SYNRG: variants seen among roughly 807,000 people sequenced by gnomAD.
The protein encoded by SYNRG is AP1 gamma subunit binding protein 1.
A neutral mutation model predicts 130.9 loss-of-function variants in SYNRG; 37 were observed. The ratio of observed to expected loss-of-function variants is 0.28; its 90% confidence interval spans 0.22 to 0.37. The LOEUF (loss-of-function observed/expected upper bound fraction) is 0.37, where lower values mean the gene tolerates loss of function less well. Ranked by LOEUF, SYNRG falls within the 10% of genes least tolerant of loss-of-function variation. The pLI is 1.00. For synonymous variants in SYNRG, 539 were observed against 568.1 expected, an observed-to-expected ratio of 0.95 and a Z score of 0.73; for missense variants, 1,338 against 1,588.9, an observed-to-expected ratio of 0.84 and a Z score of 2.68.
intron 4 of SYNRG, among the ~76,000 whole-genome samples, chr17:37,585,703 A>G (rs865776132): frequency 6.6e-6 from 1 of 152,222 alleles, no homozygotes; most frequent in Admixed American, 6.5e-5. Context: ...TTTTGCATAT[A>G]AAAGTATTCT....
chr17:37,533,296 T>A (rs1259347370), intron 19 of SYNRG, among the ~76,000 whole-genome samples: 1 of 151,610 alleles, frequency 6.6e-6, no homozygotes, highest in Non-Finnish European at 1.5e-5. Flanking sequence ...AGCTACTCAG[T>A]AGGCTGAGGC....
intron 13 of SYNRG, among the ~76,000 whole-genome samples, chr17:37,558,830 T>C (rs533498457): frequency 6.6e-6 from 1 of 152,332 alleles, no homozygotes; most frequent in African/African-American, 2.4e-5. Flanking sequence ...GAAATGATCC[T>C]GTGTCTTGGT....
At position 37,597,227 on chromosome 17, in the gene SYNRG, G is replaced by A. The variant is rs1040871326; in HGVS notation, c.119-883C>T. 9.9e-5 allele frequency among the ~76,000 whole-genome samples: 15 copies of A among 152,142 alleles called. No homozygotes were observed. In the Middle Eastern group the frequency reaches 0.01, roughly 103 times the overall value. On this transcript the variant is annotated intron_variant, in intron 2 of 21. Coordinates refer to ENST00000612223, the MANE Select transcript of SYNRG (RefSeq NM_007247.6). ...GCCATCTATCTCAGCGAGCCACCTC[G>A]GCAGCATCTCCATGAAACTTTCAGA...
chr17:37,596,766 A>T (rs1568532189), intron 2 of SYNRG, among the ~76,000 whole-genome samples: 2 of 149,256 alleles, frequency 1.3e-5, no homozygotes, highest in Non-Finnish European at 1.5e-5. Flanking sequence ...AAGGCTAGTT[A>T]TTTTTTTTTT....
At position 37,542,361 on chromosome 17, in the gene SYNRG, T is replaced by G. The variant is rs375402671; in HGVS notation, c.2813A>C (p.Asn938Thr). The G allele has an allele frequency of 2.9e-5, 47 of 1,614,190 alleles. No individual in the cohort carries two copies. In the African/African-American group the frequency reaches 6.0e-4, roughly 21 times the overall value. ...KKETSFGSSE[N>T]ITMTSLSKVT... ...TTTGGAGAGAGATGTCATGGTGATG[T>G]TTTCAGAACTGCCAAATGAAGTCTC... Residue 938 changes from asparagine (N) to threonine (T), a missense_variant, in exon 15 of 22, where the codon AAC (asparagine) becomes ACC (threonine). Physicochemically the swap from Asn to Thr is moderately conservative, Grantham distance 65. Coordinates refer to ENST00000612223, the MANE Select transcript of SYNRG (RefSeq NM_007247.6).
intron 19 of SYNRG, among the ~76,000 whole-genome samples, chr17:37,522,758 A>G (rs757795322): frequency 6.0e-5 from 9 of 150,642 alleles, no homozygotes; most frequent in African/African-American, 1.5e-4. Flanking sequence ...CTTCTGCCTC[A>G]GCCTCCCAAG....
intron 2 of SYNRG, among the ~76,000 whole-genome samples, chr17:37,599,402 A>G (rs1018291555): frequency 6.6e-6 from 1 of 152,226 alleles, no homozygotes; most frequent in African/African-American, 2.4e-5. Flanking sequence ...GAGAAAAGGT[A>G]TACTTAGAGA....
At chr17:37,604,866 A>G (rs2063611227) in intron 1 of SYNRG, among the ~76,000 whole-genome samples, 1 of 152,188 alleles carries the variant, frequency 6.6e-6, no homozygotes, top group Non-Finnish European at 1.5e-5. Flanking sequence ...GCCCTTGGAG[A>G]GGAAGACCGG....
intron 7 of SYNRG, among the ~76,000 whole-genome samples, chr17:37,577,072 G>A (rs2060890765): frequency 6.6e-6 from 1 of 151,900 alleles, no homozygotes; most frequent in Non-Finnish European, 1.5e-5. Flanking sequence ...TGGAAGAACA[G>A]AAAGTATAAG....
intron 1 of SYNRG, among the ~76,000 whole-genome samples, chr17:37,605,449 C>T (rs1459424525): frequency 1.3e-5 from 2 of 152,056 alleles, no homozygotes; most frequent in East Asian, 1.9e-4. Context: ...CAAATGAGGA[C>T]GTAGAATCAA....
intron 21 of SYNRG, among the ~76,000 whole-genome samples, chr17:37,519,455 G>A (rs1413085992): frequency 1.3e-5 from 2 of 152,136 alleles, no homozygotes; most frequent in Non-Finnish European, 2.9e-5. Context: ...ACTACAGCAT[G>A]CAATCCTTTA....
intron 19 of SYNRG, among the ~76,000 whole-genome samples, chr17:37,535,056 C>T (rs1438135905): frequency 2.0e-5 from 3 of 151,988 alleles, no homozygotes; most frequent in African/African-American, 7.2e-5. Context: ...AAAAAAGGGA[C>T]AGTAATAGAG....
At chr17:37,581,530 G>A (rs2061337203) in intron 6 of SYNRG, among the ~76,000 whole-genome samples, 1 of 152,058 alleles carries the variant, frequency 6.6e-6, no homozygotes, top group Admixed American at 6.5e-5. Context: ...TGCCTGCCTT[G>A]GTCTCCCAAA....
chr17:37,522,525 T>G (rs2055230078), intron 19 of SYNRG, among the ~76,000 whole-genome samples: 1 of 151,878 alleles, frequency 6.6e-6, no homozygotes. Flanking sequence ...TGGAGTGTGG[T>G]GGTGTCATCT....
chr17:37,580,554 G>A (rs184024506), intron 6 of SYNRG, among the ~76,000 whole-genome samples: 12 of 141,808 alleles, frequency 8.5e-5, no homozygotes, highest in Non-Finnish European at 1.8e-4. Flanking sequence ...TTGCTCTGTC[G>A]CCCAGACTGT....
At position 37,515,286 on chromosome 17, in the gene SYNRG, G is replaced by A. The variant is rs1286751768; in HGVS notation, c.*3654C>T. On this transcript the variant is annotated 3_prime_UTR_variant, in exon 22 of 22. Coordinates refer to ENST00000612223, the MANE Select transcript of SYNRG (RefSeq NM_007247.6). ...GGTACACACTTACCTGAAGAAATAA[G>A]TAAGTAACTTAAACATAAAAAACAT... 1 of 152,132 alleles carries A rather than the reference G, an allele frequency of 6.6e-6. No homozygotes were observed. The highest frequency in any genetic ancestry group is 1.5e-5 in the Non-Finnish European group (1 of 68,022). The allele number at this position is 152,132 out of a possible 1,614,324, so 9.4% of individuals were successfully genotyped here.
chr17:37,606,047 G>C (rs1361617257), intron 1 of SYNRG: 3 of 972,122 alleles, frequency 3.1e-6, no homozygotes, highest in Non-Finnish European at 3.7e-6. Flanking sequence ...ACGCACCCCT[G>C]AAGTTAAAAC....
At chr17:37,536,343 G>C (rs2057192318) in intron 18 of SYNRG, 8 of 559,276 alleles carry the variant, frequency 1.4e-5, no homozygotes, top group Non-Finnish European at 2.4e-5. Flanking sequence ...TCAAACCCCA[G>C]CTATGCCTCT....
intron 2 of SYNRG, among the ~76,000 whole-genome samples, chr17:37,597,523 C>G (rs2062881888): frequency 6.6e-6 from 1 of 152,224 alleles, no homozygotes; most frequent in Non-Finnish European, 1.5e-5. Flanking sequence ...CTTGGTTTAT[C>G]ATTTGTAAAA....
Sources: allele counts gnomAD v4.1 joint callset (sites outside exome capture counted in the v4.1 genomes callset), GRCh38; gene constraint gnomAD v4.1.1; transcripts MANE v1.5; gene names NCBI Gene and HGNC (gene_info 2026-07-23, HGNC 2026-07-21).